The following LIG1 variants were observed in gnomAD, a reference collection of about 807,000 sequenced individuals.
The protein encoded by LIG1 is DNA ligase 1.
In LIG1, 70 loss-of-function variants were observed where a neutral mutation model predicts 115.7. The observed-to-expected ratio is 0.60, with a 90% CI of 0.50 to 0.74. The LOEUF (loss-of-function observed/expected upper bound fraction) is 0.74. LIG1 is among the 30% of genes least tolerant of loss of function. LIG1 has a pLI of 0.00. For synonymous variants in LIG1, 487 were observed against 495.3 expected, an observed-to-expected ratio of 0.98 and a Z score of 0.22; for missense variants, 1,115 against 1,225.6, an observed-to-expected ratio of 0.91 and a Z score of 1.35.
rs747880160 is a variant in LIG1, at chr19:48,115,606, G to A, written c.*43C>T. ...AAAGGCAATAATAACCCTGGGGTCC[G>A]TCCAACTCATGCCCTGTACCCAGGC... is the stretch of plus-strand genomic sequence containing the variant. On this transcript the variant is annotated 3_prime_UTR_variant, in exon 28 of 28. Transcript: ENST00000263274. The A allele has an allele frequency of 3.7e-5, 53 of 1,431,234 alleles. No individual in the cohort carries two copies. The highest frequency in any genetic ancestry group is 4.7e-5 in the Non-Finnish European group (48 of 1,013,940). 88.7% of individuals were successfully genotyped at this position (1,431,234 alleles called of 1,614,324 possible). A position where few individuals can be genotyped will look rare whatever the true frequency, so the allele number is the denominator to read the frequency against.
chr19:48,150,583 A>C (rs947051768), intron 7 of LIG1, among the ~76,000 whole-genome samples: 1 of 152,218 alleles, frequency 6.6e-6, no homozygotes, highest in African/African-American at 2.4e-5. Flanking sequence ...CACTTGGACC[A>C]CCCTGAGAGG....
Position 48,137,791 on chromosome 19 carries a change from G to C in LIG1, c.1088-103C>G. The C allele has an allele frequency of 2.1e-6, 3 of 1,422,928 alleles. No homozygotes were observed. The highest frequency in any genetic ancestry group is 1.4e-5 in the African/African-American group (1 of 71,336). 88.1% of individuals were successfully genotyped at this position (1,422,928 alleles called of 1,614,324 possible). On this transcript the variant is annotated intron_variant, in intron 12 of 27. Transcript: ENST00000263274. The surrounding 1 kb of genome is among the most constrained non-coding windows in gnomAD (Gnocchi z 4.3). ...GAATTTTCTCCAGCTGTGTGTGCTT[G>C]TGGCGAGTCCCTGCACCTCCCTGTG...
chr19:48,117,861 G>T (rs2032974057), intron 25 of LIG1, 80 bp from the exon 26 acceptor site: 20 of 1,519,210 alleles, frequency 1.3e-5, no homozygotes, highest in Non-Finnish European at 1.8e-5. Flanking sequence ...CTGGGGAGAG[G>T]GAGGAAGGGA....
chr19:48,168,394 C>T (rs2036589144), intron 1 of LIG1, among the ~76,000 whole-genome samples: 1 of 152,194 alleles, frequency 6.6e-6, no homozygotes, highest in South Asian at 2.1e-4. Flanking sequence ...TGGCTGGCTC[C>T]AAAGCCCACG....
chr19:48,145,443 A>G (rs2035054045), intron 9 of LIG1, among the ~76,000 whole-genome samples: 1 of 152,188 alleles, frequency 6.6e-6, no homozygotes, highest in Non-Finnish European at 1.5e-5. Flanking sequence ...TCATGGAACA[A>G]TGAGGACTCC....
intron 7 of LIG1, among the ~76,000 whole-genome samples, 191 bp from the exon 8 acceptor site, chr19:48,150,401 T>C (rs938487137): frequency 6.6e-6 from 1 of 152,190 alleles, no homozygotes; most frequent in Non-Finnish European, 1.5e-5. Context: ...ACTAGCGGAA[T>C]TCTAGCACTT....
Position 48,143,891 on chromosome 19 carries a change from C to T in LIG1, c.849G>A (p.Pro283=), listed in dbSNP as rs777412767. 5 of 1,613,134 alleles carry T rather than the reference C, an allele frequency of 3.1e-6. No homozygotes were observed. In the South Asian group the frequency reaches 3.3e-5, roughly 11 times the overall value. Residue 283 remains proline (P), a synonymous_variant, in exon 10 of 28, where the codon CCG becomes CCA. Coordinates refer to ENST00000263274, the MANE Select transcript of LIG1 (RefSeq NM_000234.3). Reference sequence around the variant, plus strand: ...AAAGGGAGAAACCTCACTTCTGGCCCGGTTTCCAGCAGGCATCTTCCACGG... The same window carrying T: ...AAAGGGAGAAACCTCACTTCTGGCCTGGTTTCCAGCAGGCATCTTCCACGG... ...YHPVEDACWK[P]GQKVPYLAVA...
At chr19:48,165,072 A>T (rs2123067357) in intron 2 of LIG1, among the ~76,000 whole-genome samples, 1 of 152,330 alleles carries the variant, frequency 6.6e-6, no homozygotes, top group East Asian at 1.9e-4. Context: ...CAGCCTGACC[A>T]ACGTGGTGAA....
intron 8 of LIG1, 71 bp downstream of exon 8, chr19:48,150,017 C>T: frequency 6.2e-7 from 1 of 1,610,792 alleles, no homozygotes; most frequent in Non-Finnish European, 8.5e-7. Context: ...GCATCTCAGG[C>T]CTCTGGAGAG....
chr19:48,164,625 G>A (rs2036376760), intron 2 of LIG1, among the ~76,000 whole-genome samples: 1 of 152,256 alleles, frequency 6.6e-6, no homozygotes, highest in Non-Finnish European at 1.5e-5. Flanking sequence ...GAGCCCGCCT[G>A]AGGGTGAGGA....
Position 48,119,135 on chromosome 19 carries a change from ACCTTGAGGCTCTGGTGATGCT to A in LIG1, c.2420_2439+1del. On this transcript the variant is annotated splice_donor_variant and coding_sequence_variant, in exon 25 of 28. Coordinates refer to ENST00000263274, the MANE Select transcript of LIG1 (RefSeq NM_000234.3). LOFTEE classifies it high-confidence loss of function. ...GGCTGAGGCGCAGCCGCCATGGCTCACCTTGAGGCTCTGGTGATGCTCCTCCAGCTCCTCATCACTGAAGCC... is the reference window on the plus strand; with the variant it reads ...GGCTGAGGCGCAGCCGCCATGGCTCACCTCCAGCTCCTCATCACTGAAGCC... The A allele has an allele frequency of 6.3e-7, 1 of 1,577,870 alleles. No individual in the cohort carries two copies. Among genetic ancestry groups the A allele is most frequent in the Non-Finnish European group, 8.6e-7 (1 of 1,161,874 alleles).
In LIG1 at chr19:48,167,851, C is replaced by CAAAAA. The variant is rs2036566116; in HGVS notation, c.-57-2229_-57-2228insTTTTT. ...AAAAAAAAAAAAAAAAAAAAAAAAACAAACAAAAAAGAAACTCAGCAATTT... is the reference window on the plus strand; with the variant it reads ...AAAAAAAAAAAAAAAAAAAAAAAAACAAAAAAAACAAAAAAGAAACTCAGCAATTT... On this transcript the variant is annotated intron_variant, in intron 1 of 27. Transcript: ENST00000263274. 1.5e-4 allele frequency among the ~76,000 whole-genome samples: 20 copies of CAAAAA among 130,236 alleles called. No individual in the cohort carries two copies. The South Asian group carries it at 1.8e-3, about 11-fold the overall frequency. The allele number at this position is 130,236 out of a possible 152,430, so 85.4% of individuals were successfully genotyped here. A position where few individuals can be genotyped will look rare whatever the true frequency, so the allele number is the denominator to read the frequency against.
At chr19:48,130,971 T>C in intron 19 of LIG1, 105 bp downstream of exon 19, 1 of 881,356 alleles carries the variant, frequency 1.1e-6, no homozygotes, top group South Asian at 1.4e-5. Context: ...CCTGATCTCC[T>C]CCCAATAAAC....
In LIG1 at chr19:48,143,399, T is replaced by C. The variant is rs558731759; in HGVS notation, c.914+144A>G. 3.9e-5 allele frequency: 32 copies of C among 819,336 alleles called. 1 individual carries two copies. The South Asian group carries it at 4.2e-4, about 11-fold the overall frequency. The allele number at this position is 819,336 out of a possible 1,614,324, so 50.8% of individuals were successfully genotyped here. A position where few individuals can be genotyped will look rare whatever the true frequency, so the allele number is the denominator to read the frequency against. On this transcript the variant is annotated intron_variant, in intron 11 of 27. Coordinates refer to ENST00000263274, the MANE Select transcript of LIG1 (RefSeq NM_000234.3). ...GGACCTGCAGCCGCTTTTGTGACCA[T>C]GTCTGACATCCATGATCATACGCCC... is the stretch of plus-strand genomic sequence containing the variant.
At chr19:48,123,431 C>T (rs753278583) in intron 21 of LIG1, 113 bp from the exon 22 acceptor site, 31 of 1,273,558 alleles carry the variant, frequency 2.4e-5, no homozygotes, top group Middle Eastern at 1.9e-4. Context: ...TGACAGGGTT[C>T]GTGGAAAGCC....
At chr19:48,127,833 G>A in intron 20 of LIG1, 77 bp downstream of exon 20, 1 of 1,222,306 alleles carries the variant, frequency 8.2e-7, no homozygotes, top group Admixed American at 1.7e-5. Context: ...TGGGCACTGG[G>A]CAGGACCCAC....
intron 16 of LIG1, among the ~76,000 whole-genome samples, chr19:48,134,697 T>G (rs1009721930): frequency 1.3e-5 from 2 of 152,236 alleles, no homozygotes; most frequent in Non-Finnish European, 2.9e-5. Context: ...AAGGCTAGGT[T>G]CCACCTACAA....
At chr19:48,153,192 CAAAAA>C (rs776965171) in intron 6 of LIG1, among the ~76,000 whole-genome samples, 36 of 64,436 alleles carry the variant, frequency 5.6e-4, no homozygotes, top group African/African-American at 1.6e-3. Flanking sequence ...GAGACTGTCT[CAAAAA>C]AAAAAAAAAA....
intron 1 of LIG1, among the ~76,000 whole-genome samples, chr19:48,167,601 C>T (rs1260635176): frequency 6.6e-6 from 1 of 151,922 alleles, no homozygotes; most frequent in Non-Finnish European, 1.5e-5. Context: ...CTGAGACAGG[C>T]GGATCACGAG....
Sources: gnomAD v4.1 joint callset for allele counts (sites outside exome capture counted in the v4.1 genomes callset) on GRCh38, gnomAD v4.1.1 for gene constraint, Gnocchi (gnomAD v3.1) non-coding constraint, MANE v1.5 for transcripts, NCBI Gene and HGNC (gene_info 2026-07-23, HGNC 2026-07-21) for gene names.